Variants in DNM3 observed in about 807,000 individuals in gnomAD.
DNM3 encodes dynamin-3.
A neutral mutation model predicts 101.6 loss-of-function variants in DNM3; 47 were observed. The ratio of observed to expected loss-of-function variants is 0.46; its 90% CI spans 0.37 to 0.59. The LOEUF (loss-of-function observed/expected upper bound fraction) is 0.59, where lower values mean the gene tolerates loss of function less well. Among genes scored for constraint, DNM3 ranks in the 20% least tolerant of loss-of-function variants. The pLI is 0.00. For synonymous variants in DNM3, 385 were observed against 387.9 expected (o/e 0.99, Z 0.09); for missense variants, 849 against 1,085.7 (o/e 0.78, Z 3.06).
At chr1:172,362,971 C>CT (rs1246830732) in intron 17 of DNM3, among the ~76,000 whole-genome samples, 3 of 151,688 alleles carry the variant, frequency 2.0e-5, no homozygotes, top group East Asian at 2.0e-4. Context: ...CCCTCCTCAC[C>CT]TTTTTTTTAA....
At chr1:172,123,906 T>C (rs1420354403) in intron 13 of DNM3, among the ~76,000 whole-genome samples, 2 of 152,204 alleles carry the variant, frequency 1.3e-5, no homozygotes, top group Non-Finnish European at 2.9e-5. Flanking sequence ...TTCTACCTTC[T>C]TGATATCACT....
intron 15 of DNM3, among the ~76,000 whole-genome samples, chr1:172,300,747 A>T (rs2064405413): frequency 6.6e-6 from 1 of 152,232 alleles, no homozygotes; most frequent in South Asian, 2.1e-4. Context: ...ATTCTGGGAG[A>T]CCAATGAGGA....
At chr1:172,180,630 G>T (rs995180987) in intron 14 of DNM3, among the ~76,000 whole-genome samples, 1 of 152,076 alleles carries the variant, frequency 6.6e-6, no homozygotes, top group Admixed American at 6.6e-5. Flanking sequence ...TTTATTGCAG[G>T]AATAGCATAT....
chr1:172,007,097 T>C (rs888506724), intron 4 of DNM3, among the ~76,000 whole-genome samples: 1 of 152,092 alleles, frequency 6.6e-6, no homozygotes, highest in African/African-American at 2.4e-5. Flanking sequence ...TTTTGGGCTA[T>C]TGCAAATAAA....
intron 2 of DNM3, among the ~76,000 whole-genome samples, chr1:171,950,901 G>T (rs759820860): frequency 1.3e-5 from 2 of 151,988 alleles, no homozygotes; most frequent in Non-Finnish European, 2.9e-5. Context: ...TAATTTTGTG[G>T]CTTAATCATA....
chr1:172,128,535 T>G (rs532108912), intron 13 of DNM3, among the ~76,000 whole-genome samples: 21 of 152,360 alleles, frequency 1.4e-4, no homozygotes, highest in African/African-American at 5.0e-4. Context: ...AACATGAAAT[T>G]AATTTTTACA....
chr1:171,861,835 A>G (rs1433847676), intron 1 of DNM3, among the ~76,000 whole-genome samples: 1 of 152,192 alleles, frequency 6.6e-6, no homozygotes, highest in African/African-American at 2.4e-5. Context: ...TTTGCAAATT[A>G]TATATGTGAT....
chr1:172,049,769 A>T (rs1381785329), intron 10 of DNM3, among the ~76,000 whole-genome samples: 1 of 152,114 alleles, frequency 6.6e-6, no homozygotes, highest in Non-Finnish European at 1.5e-5. Context: ...TTTCTGAAAA[A>T]CCAGTGGGAA....
At chr1:172,398,227 A>G (rs1410444950) in intron 20 of DNM3, among the ~76,000 whole-genome samples, 1 of 152,140 alleles carries the variant, frequency 6.6e-6, no homozygotes, top group African/African-American at 2.4e-5. Context: ...TTGTCATTGC[A>G]CTCTAGTCCT....
At chr1:172,378,749 T>A (rs1265542454) in intron 17 of DNM3, among the ~76,000 whole-genome samples, 1 of 152,084 alleles carries the variant, frequency 6.6e-6, no homozygotes, top group East Asian at 1.9e-4. Flanking sequence ...TTAGGTACAC[T>A]GTTTATTTGG....
At chr1:172,163,529 T>C (rs576952243) in intron 14 of DNM3, among the ~76,000 whole-genome samples, 2 of 152,046 alleles carry the variant, frequency 1.3e-5, no homozygotes, top group Non-Finnish European at 2.9e-5. Context: ...TGAGCCACTG[T>C]GCCTGGCCAA....
chr1:172,032,117 G>C (rs906151850), intron 4 of DNM3, among the ~76,000 whole-genome samples: 1 of 152,100 alleles, frequency 6.6e-6, no homozygotes, highest in Non-Finnish European at 1.5e-5. Context: ...CCATATATGC[G>C]TGGTACAAAA....
intron 14 of DNM3, among the ~76,000 whole-genome samples, chr1:172,236,381 A>G (rs2061546543): frequency 6.6e-6 from 1 of 152,198 alleles, no homozygotes; most frequent in Non-Finnish European, 1.5e-5. Context: ...GAGAGAAAAG[A>G]GAGAGAAGGG....
At chr1:172,402,537 C>T (rs1336711586) in intron 20 of DNM3, among the ~76,000 whole-genome samples, 2 of 152,126 alleles carry the variant, frequency 1.3e-5, no homozygotes, top group Non-Finnish European at 2.9e-5. Flanking sequence ...CTTTGTATAT[C>T]TTTTTGAAGG....
intron 15 of DNM3, among the ~76,000 whole-genome samples, chr1:172,285,367 T>C (rs1247690654): frequency 2.0e-5 from 3 of 152,182 alleles, no homozygotes; most frequent in Admixed American, 1.3e-4. Context: ...AATAATTTTG[T>C]GCAAAACTCA....
intron 13 of DNM3, among the ~76,000 whole-genome samples, chr1:172,099,148 CTG>C (rs2054459773): frequency 2.0e-5 from 3 of 152,186 alleles, no homozygotes; most frequent in Admixed American, 2.0e-4. Context: ...AGGTAAAGGA[CTG>C]TGTAATCTCA....
At chr1:171,921,528 T>C (rs1478859122) in intron 1 of DNM3, among the ~76,000 whole-genome samples, 1 of 152,226 alleles carries the variant, frequency 6.6e-6, no homozygotes, top group African/African-American at 2.4e-5. Flanking sequence ...AGTGAAGTCA[T>C]TATGATAATG....
chr1:171,922,878 C>G (rs888076875), intron 2 of DNM3, among the ~76,000 whole-genome samples: 4 of 152,190 alleles, frequency 2.6e-5, no homozygotes, highest in African/African-American at 9.7e-5. Context: ...TGTATTAGAA[C>G]TTCATTTCTT....
At chr1:172,301,186 A>C (rs191444722) in intron 15 of DNM3, among the ~76,000 whole-genome samples, 214 of 152,220 alleles carry the variant, frequency 1.4e-3, no homozygotes, top group African/African-American at 4.9e-3. Flanking sequence ...GGTAATTAGG[A>C]GTTTTTATTG....
Sources: gnomAD v4.1 joint callset for allele counts (sites outside exome capture counted in the v4.1 genomes callset) on GRCh38, gnomAD v4.1.1 for gene constraint, MANE v1.5 for transcripts, NCBI Gene and HGNC (gene_info 2026-07-23, HGNC 2026-07-21) for gene names.